PLCB2: variants seen among roughly 807,000 people sequenced by gnomAD.
The protein encoded by PLCB2 is 1-phosphatidylinositol 4,5-bisphosphate phosphodiesterase beta-2.
PLCB2 carries 115 observed loss-of-function variants against 141.7 expected under a neutral mutation model. The ratio of observed to expected loss-of-function variants is 0.81; its 90% CI spans 0.70 to 0.95. The LOEUF is 0.95. PLCB2 is among the 40% of genes least tolerant of loss of function. PLCB2 has a pLI of 0.00. For missense variants in PLCB2, 1,403 were observed against 1,541.1 expected (o/e 0.91, Z 1.50); for synonymous variants, 603 against 595.6 (o/e 1.01, Z -0.18).
At chr15:40,305,175 CTTTTTT>C (rs11320842) in intron 1 of PLCB2, among the ~76,000 whole-genome samples, 1 of 134,780 alleles carries the variant, frequency 7.4e-6, no homozygotes, top group Non-Finnish European at 1.6e-5. Context: ...TTTGTGATCT[CTTTTTT>C]TTTTTTTTTT....
At chr15:40,290,222 G>A in intron 29 of PLCB2, 140 bp from the exon 30 acceptor site, 1 of 680,310 alleles carries the variant, frequency 1.5e-6, no homozygotes, top group South Asian at 1.6e-5. Flanking sequence ...GGGGACCCAA[G>A]GAGTATGTAG....
chr15:40,287,979 A>G lies in PLCB2; in HGVS notation c.*736T>C, dbSNP rs996582812. 18 of 984,414 alleles carry G rather than the reference A, an allele frequency of 1.8e-5. No individual in the cohort carries two copies. The highest frequency in any genetic ancestry group is 2.1e-5 in the Non-Finnish European group (17 of 829,110). 61.0% of individuals were successfully genotyped at this position (984,414 alleles called of 1,614,324 possible). On this transcript the variant is annotated 3_prime_UTR_variant, in exon 32 of 32. Transcript: ENST00000260402. ...ATAAACCTCATAAATTCAGGAGAGC[A>G]AATGATGCTGACCTTGTCAGGCAGG...
chr15:40,291,953 G>T, intron 23 of PLCB2, 29 bp from the exon 24 acceptor site: 1 of 1,612,274 alleles, frequency 6.2e-7, no homozygotes, highest in South Asian at 1.1e-5. Context: ...TCAGGAAGGT[G>T]GCTTGACAGC....
chr15:40,291,957 T>G (rs767816452), intron 23 of PLCB2, 33 bp from the exon 24 acceptor site: 9 of 1,612,110 alleles, frequency 5.6e-6, no homozygotes, highest in Non-Finnish European at 7.6e-6. Context: ...GAAGGTGGCT[T>G]GACAGCCCTC....
At chr15:40,301,575 G>A (rs766555434) in intron 7 of PLCB2, 7 of 702,766 alleles carry the variant, frequency 1.0e-5, no homozygotes, top group African/African-American at 1.7e-5. Context: ...GCAGACTGCC[G>A]CCTGCCACTG....
chr15:40,299,175 G>A lies in PLCB2; in HGVS notation c.636C>T (p.Leu212=). ...TTTCTGGCCGAGGACAGAGGCTCAT[G>A]AGGAAACTCTTGTAGACAGGTTCTG... is the stretch of plus-strand genomic sequence containing the variant. ...DFPEPVYKSF[L]MSLCPRPEID... The change falls in exon 8 of 32, where the codon CTC becomes CTT. Residue 212 remains leucine (L), a synonymous_variant. Transcript: ENST00000260402. 1 of 1,614,052 alleles carries A rather than the reference G, an allele frequency of 6.2e-7. No individual in the cohort carries two copies. The highest frequency in any genetic ancestry group is 1.1e-5 in the South Asian group (1 of 91,076).
In PLCB2 at chr15:40,287,920, G is replaced by A. The variant is rs1219486747; in HGVS notation, c.*795C>T. On this transcript the variant is annotated 3_prime_UTR_variant, in exon 32 of 32. Transcript: ENST00000260402. ...GCTTAAGCAGGAAACACTGGGACGA[G>A]GTTCTTTAATAGGAGTAGGAAAGAG... 2 of 984,090 alleles carry A rather than the reference G, an allele frequency of 2.0e-6. No homozygotes were observed. Among genetic ancestry groups the A allele is most frequent in the Non-Finnish European group, 2.4e-6 (2 of 828,906 alleles). The allele number at this position is 984,090 out of a possible 1,614,324, so 61.0% of individuals were successfully genotyped here.
intron 30 of PLCB2, chr15:40,289,662 C>A: frequency 1.9e-6 from 1 of 515,970 alleles, no homozygotes; most frequent in South Asian, 2.4e-5. Context: ...TTCCTTGGCA[C>A]CTCAGGAAGC....
chr15:40,299,314 C>A lies in PLCB2; in HGVS notation c.583-86G>T, dbSNP rs1039912629. 2.3e-5 allele frequency: 20 copies of A among 883,626 alleles called. No homozygotes were observed. The African/African-American group carries it at 3.0e-4, about 13-fold the overall frequency. The allele number at this position is 883,626 out of a possible 1,614,324, so 54.7% of individuals were successfully genotyped here. A position where few individuals can be genotyped will look rare whatever the true frequency, so the allele number is the denominator to read the frequency against. ...CTCGGCCCAGCCCTGGTCAAGGGGA[C>A]CTGGTCAGAAGGCGGGCTCAAGGCA... On this transcript the variant is annotated intron_variant, in intron 7 of 31. Coordinates refer to ENST00000260402, the MANE Select transcript of PLCB2 (RefSeq NM_004573.3).
chr15:40,286,185 C>T (rs1295914269), downstream of PLCB2: 2 of 285,058 alleles, frequency 7.0e-6, no homozygotes, highest in Non-Finnish European at 1.1e-5. Flanking sequence ...TGAAGGCTGA[C>T]AGGAGATGGA....
chr15:40,298,172 A>C (rs752879840), intron 11 of PLCB2, 51 bp downstream of exon 11: 28 of 1,519,238 alleles, frequency 1.8e-5, no homozygotes, highest in South Asian at 2.6e-5. Flanking sequence ...CTTCTGGCCC[A>C]GAGCCCTTCC....
chr15:40,296,568 G>C lies in PLCB2; in HGVS notation c.1553C>G (p.Ser518Ter). The C allele has an allele frequency of 6.2e-7, 1 of 1,613,380 alleles. No homozygotes were observed. The highest frequency in any genetic ancestry group is 2.2e-5 in the East Asian group (1 of 44,854). ...AATCTCTTCTTCATCCAGGTTTCCTGACTCCTCCTCCTCTTCCTCTTCCAC... is the reference window on the plus strand; with the variant it reads ...AATCTCTTCTTCATCCAGGTTTCCTCACTCCTCCTCCTCTTCCTCTTCCAC... ...EEVEEEEEEE[S>*]GNLDEEEIKK... Residue 518 changes from serine to a stop codon, truncating the protein, a stop_gained, in exon 15 of 32, where the codon TCA (serine) becomes TGA (stop). Coordinates refer to ENST00000260402, the MANE Select transcript of PLCB2 (RefSeq NM_004573.3). LOFTEE classifies it high-confidence loss of function.
At position 40,293,780 on chromosome 15, in the gene PLCB2, A is replaced by C. The variant is rs573073165; in HGVS notation, c.2062-56T>G. Reference sequence around the variant, plus strand: ...CAAATCCCCACCCAGGCTCTTCCCCAAGCATCTGGGGCCCCTGGCTGCCTA... The same window carrying C: ...CAAATCCCCACCCAGGCTCTTCCCCCAGCATCTGGGGCCCCTGGCTGCCTA... On this transcript the variant is annotated intron_variant, in intron 19 of 31. Coordinates refer to ENST00000260402, the MANE Select transcript of PLCB2 (RefSeq NM_004573.3). 1.6e-5 allele frequency: 25 copies of C among 1,580,878 alleles called. No homozygotes were observed. In the South Asian group the frequency reaches 2.8e-4, roughly 18 times the overall value.
At chr15:40,289,949 GAGAGAGAGAGAGA>G in intron 30 of PLCB2, 63 bp downstream of exon 30, 1 of 347,098 alleles carries the variant, frequency 2.9e-6, no homozygotes, top group Non-Finnish European at 5.8e-6. Context: ...GAGAGAGAGA[GAGAGAGAGAGAGA>G]GAGAGAGTGT....
rs1235318737 is a variant in PLCB2, at chr15:40,298,932, T to C, written c.716A>G (p.Glu239Gly). The change falls in exon 9 of 32, where the codon GAG becomes GGG. Residue 239 changes from glutamate (E) to glycine (G), a missense_variant. Transcript: ENST00000260402. ...CTGGTTGATGAATTTGGTCAGGTGC[T>C]CCTTCGTCATGTAGGGTTTGGCCTT... Reference protein sequence around the residue: ...HAKAKPYMTKEHLTKFINQKQ... With the variant: ...HAKAKPYMTKGHLTKFINQKQ... 1.2e-6 allele frequency: 2 copies of C among 1,607,970 alleles called. No individual in the cohort carries two copies. The highest frequency in any genetic ancestry group is 2.7e-5 in the African/African-American group (2 of 75,050).
chr15:40,302,250 G>A lies in PLCB2; in HGVS notation c.452+20C>T. On this transcript the variant is annotated intron_variant, in intron 5 of 31. Transcript: ENST00000260402. Reference sequence around the variant, plus strand: ...TGGCATGCTCAGCACCAGGGCTCAGGCCAGGCAGAGGGCACTTACATCTTG... The same window carrying A: ...TGGCATGCTCAGCACCAGGGCTCAGACCAGGCAGAGGGCACTTACATCTTG... 1.2e-6 allele frequency: 2 copies of A among 1,614,114 alleles called. No homozygotes were observed. Among genetic ancestry groups the A allele is most frequent in the African/African-American group, 1.3e-5 (1 of 75,056 alleles).
chr15:40,285,499 T>C (rs2039598303), downstream of PLCB2: 6 of 981,854 alleles, frequency 6.1e-6, no homozygotes, highest in South Asian at 2.8e-4. Context: ...TGTTTTGTTT[T>C]GTTTTCTAGA....
At position 40,295,225 on chromosome 15, in the gene PLCB2, G is replaced by A. The variant is rs778773658; in HGVS notation, c.1757C>T (p.Ser586Phe). 5 of 1,613,962 alleles carry A rather than the reference G, an allele frequency of 3.1e-6. No individual in the cohort carries two copies. The highest frequency in any genetic ancestry group is 4.2e-6 in the Non-Finnish European group (5 of 1,179,812). ...FTELKAYDLLSKASVQFVDYN... is the reference protein window; with the variant it reads ...FTELKAYDLLFKASVQFVDYN... ...CTCCACAAACTGCACCGAGGCCTTG[G>A]AGAGCAGGTCATATGCCTTGAGCTC... Residue 586 changes from serine to phenylalanine, a missense_variant, in exon 17 of 32, where the codon TCC (serine) becomes TTC (phenylalanine). Physicochemically the swap from Ser to Phe is radical, Grantham distance 155. Coordinates refer to ENST00000260402, the MANE Select transcript of PLCB2 (RefSeq NM_004573.3).
chr15:40,286,736 C>A (rs142391059), downstream of PLCB2, among the ~76,000 whole-genome samples: 41 of 152,312 alleles, frequency 2.7e-4, no homozygotes, highest in African/African-American at 9.6e-4. Flanking sequence ...TCTCCAGGAC[C>A]CAGAGATGGC....
Sources: gnomAD v4.1 joint callset for allele counts (sites outside exome capture counted in the v4.1 genomes callset) on GRCh38, gnomAD v4.1.1 for gene constraint, MANE v1.5 for transcripts, NCBI Gene and HGNC (gene_info 2026-07-23, HGNC 2026-07-21) for gene names.